The following PLCZ1 variants were observed in gnomAD, a reference collection of about 807,000 sequenced individuals.
PLCZ1 encodes 1-phosphatidylinositol 4,5-bisphosphate phosphodiesterase zeta-1.
In PLCZ1, 64 loss-of-function variants were observed where a neutral mutation model predicts 76.8. That is an observed-to-expected ratio of 0.83 (90% CI 0.68 to 1.03). The LOEUF is 1.03. Among genes scored for constraint, PLCZ1 ranks in the 50% least tolerant of loss-of-function variants. The pLI is 0.00. For missense variants in PLCZ1, 751 were observed against 713.7 expected (o/e 1.05, Z -0.60); for synonymous variants, 248 against 230.8 (o/e 1.07, Z -0.68).
chr12:18,734,466 T>C (rs1959179281), intron 3 of PLCZ1, among the ~76,000 whole-genome samples: 1 of 152,130 alleles, frequency 6.6e-6, no homozygotes, highest in African/African-American at 2.4e-5. Flanking sequence ...TTCTCGTGCC[T>C]CAGCCTCCTG....
chr12:18,701,995 G>A (rs557347436), intron 7 of PLCZ1, among the ~76,000 whole-genome samples: 1 of 152,170 alleles, frequency 6.6e-6, no homozygotes, highest in East Asian at 1.9e-4. Flanking sequence ...AGCCTGTTAT[G>A]ATTGAGACTT....
chr12:18,680,619 A>G (rs1952323731), downstream of PLCZ1, among the ~76,000 whole-genome samples: 1 of 152,046 alleles, frequency 6.6e-6, no homozygotes, highest in South Asian at 2.1e-4. Context: ...AACATAATTA[A>G]ACTTTTCTGT....
rs778318534 is a variant in PLCZ1 at position 18,705,225 on chromosome 12, C to T, written c.805G>A (p.Gly269Arg). ...AGCATATCAGAAAGCAAGGACTCTC[C>T]AAAAGTAGCCTGCAAATTGTCTGCC... ...VMADNLQATF[G>R]ESLLSDMLDD... The change falls in exon 7 of 15, where the codon GGA becomes AGA. Residue 269 changes from glycine (G) to arginine (R), a missense_variant. Physicochemically the swap from Gly to Arg is moderately radical, Grantham distance 125 (BLOSUM62 -2). Coordinates refer to ENST00000266505, the MANE Select transcript of PLCZ1 (RefSeq NM_033123.4). The T allele has an allele frequency of 2.5e-6, 4 of 1,613,954 alleles. No individual in the cohort carries two copies. Among genetic ancestry groups the T allele is most frequent in the South Asian group, 2.2e-5 (2 of 91,068 alleles).
At position 18,736,353 on chromosome 12, in the gene PLCZ1, A is replaced by G. The variant is rs770866479; in HGVS notation, c.12-9T>C. 1.9e-6 allele frequency: 3 copies of G among 1,609,984 alleles called. No individual in the cohort carries two copies. The Admixed American group carries it at 5.0e-5, about 27-fold the overall frequency. ...TCTTTGACAAAAACCATGTAGAAGC[A>G]CAAAAAAGTTAAGGAAATTCTCACA... On this transcript the variant is annotated splice_polypyrimidine_tract_variant and intron_variant, in intron 2 of 14. Transcript: ENST00000266505.
At chr12:18,648,559 G>A in the PLCZ1 span, 1 of 167,502 alleles carries the variant, frequency 6.0e-6, no homozygotes, top group Admixed American at 6.4e-5. Flanking sequence ...CATAAATCCT[G>A]AAATTCTTAC....
At chr12:18,709,138 A>G (rs1592177659) in intron 6 of PLCZ1, among the ~76,000 whole-genome samples, 1 of 152,084 alleles carries the variant, frequency 6.6e-6, no homozygotes, top group Non-Finnish European at 1.5e-5. Context: ...TAGGGTTTTC[A>G]TAGTTTCTAA....
chr12:18,694,421 A>G (rs1399969605), intron 12 of PLCZ1, among the ~76,000 whole-genome samples: 4 of 152,176 alleles, frequency 2.6e-5, no homozygotes, highest in Non-Finnish European at 5.9e-5. Flanking sequence ...AGAAAGACAT[A>G]TGGATAATTT....
Position 18,701,688 on chromosome 12 carries a change from T to C in PLCZ1, c.949+4A>G. 6.3e-7 allele frequency: 1 copy of C among 1,598,400 alleles called. No individual in the cohort carries two copies. The highest frequency in any genetic ancestry group is 8.6e-7 in the Non-Finnish European group (1 of 1,169,406). ...CACTTCTTCTTCCCATTCCTCCACC[T>C]TACCACGCTTATCAGAACCTTTTCT... On this transcript the variant is annotated splice_donor_region_variant and intron_variant, in intron 8 of 14. Transcript: ENST00000266505.
chr12:18,718,248 A>G (rs16914530), intron 5 of PLCZ1, among the ~76,000 whole-genome samples: 7,083 of 152,164 alleles, frequency 0.047, 390 homozygotes, highest in African/African-American at 0.13. Context: ...ACTACTTGTC[A>G]TCTCAGCTGC....
the PLCZ1 span, among the ~76,000 whole-genome samples, chr12:18,675,739 G>C: frequency 6.6e-6 from 1 of 152,098 alleles, no homozygotes; most frequent in Non-Finnish European, 1.5e-5. Flanking sequence ...GGATGGAGCT[G>C]GAGTCCATTA....
At chr12:18,683,695 A>G in intron 14 of PLCZ1, 2 of 1,146,854 alleles carry the variant, frequency 1.7e-6, no homozygotes, top group Non-Finnish European at 2.3e-6. Flanking sequence ...CACCCTGGAA[A>G]GGTGACTCTG....
At chr12:18,694,528 C>T (rs911275169) in intron 12 of PLCZ1, among the ~76,000 whole-genome samples, 1 of 152,086 alleles carries the variant, frequency 6.6e-6, no homozygotes, top group Non-Finnish European at 1.5e-5. Flanking sequence ...AAGAAAAGGG[C>T]TCCTAAAATT....
At chr12:18,652,205 T>C in the PLCZ1 span, among the ~76,000 whole-genome samples, 13,918 of 152,138 alleles carry the variant, frequency 0.091, 693 homozygotes, top group Middle Eastern at 0.19. Flanking sequence ...TTATTTAAGA[T>C]GAGGTCATAT....
At position 18,691,168 on chromosome 12, in the gene PLCZ1, C is replaced by A. The variant is rs140415092; in HGVS notation, c.1462-2950G>T. ...AGAATCAGCAGAATTTAACGTTGGT[C>A]TGGATGTGGGATGTGAAGGAGATGT... is the stretch of plus-strand genomic sequence containing the variant. On this transcript the variant is annotated intron_variant, in intron 12 of 14. Coordinates refer to ENST00000266505, the MANE Select transcript of PLCZ1 (RefSeq NM_033123.4). 4.5e-3 allele frequency among the ~76,000 whole-genome samples: 678 copies of A among 152,120 alleles called. 7 individuals carry two copies. The highest frequency in any genetic ancestry group is 0.015 in the African/African-American group (636 of 41,538).
the PLCZ1 span, among the ~76,000 whole-genome samples, chr12:18,667,034 A>G: frequency 6.6e-6 from 1 of 152,178 alleles, no homozygotes; most frequent in Non-Finnish European, 1.5e-5. Flanking sequence ...TGTAGGCTAT[A>G]TCACCAGACA....
chr12:18,709,927 G>A (rs532516527), intron 6 of PLCZ1, among the ~76,000 whole-genome samples: 1 of 151,856 alleles, frequency 6.6e-6, no homozygotes, highest in African/African-American at 2.4e-5. Flanking sequence ...TATTGTAAAT[G>A]AGATTTTTTC....
intron 5 of PLCZ1, among the ~76,000 whole-genome samples, chr12:18,714,236 A>C (rs191325381): frequency 6.6e-6 from 1 of 152,182 alleles, no homozygotes; most frequent in Non-Finnish European, 1.5e-5. Context: ...TCACAGACAC[A>C]TACAAAGAGT....
intron 9 of PLCZ1, among the ~76,000 whole-genome samples, chr12:18,700,538 A>AAAGG (rs1370935394): frequency 2.9e-5 from 4 of 135,914 alleles, no homozygotes; most frequent in African/African-American, 5.4e-5. Flanking sequence ...AAAAAAAAAT[A>AAAGG]GTTGCTCTGC....
chr12:18,695,168 T>A, intron 11 of PLCZ1, 89 bp from the exon 12 acceptor site: 1 of 1,283,452 alleles, frequency 7.8e-7, no homozygotes, highest in Non-Finnish European at 1.1e-6. Context: ...AATAATGGAT[T>A]CTATGTCCCC....
Sources: gnomAD v4.1 joint callset for allele counts (sites outside exome capture counted in the v4.1 genomes callset) on GRCh38, gnomAD v4.1.1 for gene constraint, MANE v1.5 for transcripts, NCBI Gene and HGNC (gene_info 2026-07-23, HGNC 2026-07-21) for gene names.